The following CNTNAP5 variants were observed in gnomAD, a reference collection of about 807,000 sequenced individuals.
CNTNAP5 encodes the protein contactin-associated protein-like 5.
Under a neutral mutation model 150.2 loss-of-function variants are expected in CNTNAP5, and 72 were observed. The ratio of observed to expected loss-of-function variants is 0.48; its 90% CI spans 0.40 to 0.58. The LOEUF (loss-of-function observed/expected upper bound fraction) is 0.58. CNTNAP5 is among the 20% of genes least tolerant of loss of function. CNTNAP5 has a pLI of 0.00. For missense variants in CNTNAP5, 1,636 were observed against 1,626.2 expected (o/e 1.01, Z -0.10); for synonymous variants, 672 against 619.8 (o/e 1.08, Z -1.25).
At chr2:124,121,475 G>A (rs1196247369) in intron 1 of CNTNAP5, among the ~76,000 whole-genome samples, 3 of 152,286 alleles carry the variant, frequency 2.0e-5, no homozygotes, top group South Asian at 4.1e-4. Flanking sequence ...CCAAGGCAGT[G>A]GCGCTGCAGG....
chr2:124,865,959 GAAAA>G (rs1278819001), intron 20 of CNTNAP5, among the ~76,000 whole-genome samples: 1 of 146,648 alleles, frequency 6.8e-6, no homozygotes, highest in Non-Finnish European at 1.5e-5. Flanking sequence ...AAAATTAAAA[GAAAA>G]AAAGAAATAC....
chr2:124,194,450 G>A (rs1440827916), intron 1 of CNTNAP5, among the ~76,000 whole-genome samples: 1 of 145,262 alleles, frequency 6.9e-6, no homozygotes, highest in African/African-American at 2.6e-5. Context: ...GTAATGCAAT[G>A]AGGCCTGTTT....
chr2:124,808,385 C>A (rs1352456302), intron 19 of CNTNAP5, among the ~76,000 whole-genome samples: 23 of 151,940 alleles, frequency 1.5e-4, no homozygotes, highest in Admixed American at 1.5e-3. Context: ...GTCAGGAGTT[C>A]GAGACCAGCC....
At chr2:124,431,481 C>T (rs1290296490) in intron 4 of CNTNAP5, among the ~76,000 whole-genome samples, 1 of 142,298 alleles carries the variant, frequency 7.0e-6, no homozygotes, top group Non-Finnish European at 1.5e-5. Context: ...TTCTCCATAA[C>T]CATTGCTTGG....
chr2:124,025,898 T>C (rs1680874325), intron 1 of CNTNAP5, among the ~76,000 whole-genome samples, 166 bp downstream of exon 1: 3 of 152,148 alleles, frequency 2.0e-5, no homozygotes, highest in Admixed American at 6.5e-5. Flanking sequence ...CAAAAGTTAG[T>C]AGAGCTCAAA....
intron 3 of CNTNAP5, among the ~76,000 whole-genome samples, chr2:124,257,404 TG>T (rs1313189756): frequency 6.6e-6 from 1 of 152,346 alleles, no homozygotes; most frequent in Admixed American, 6.5e-5. Flanking sequence ...ATGCCACTGC[TG>T]GTTCAATACG....
chr2:124,494,070 G>A (rs995764040), intron 7 of CNTNAP5, among the ~76,000 whole-genome samples: 4 of 148,252 alleles, frequency 2.7e-5, no homozygotes, highest in African/African-American at 1.0e-4. Context: ...GACTGTGTGT[G>A]TGTGTGTGTG....
At chr2:124,134,366 A>C (rs1683928452) in intron 1 of CNTNAP5, among the ~76,000 whole-genome samples, 1 of 152,300 alleles carries the variant, frequency 6.6e-6, no homozygotes, top group East Asian at 1.9e-4. Context: ...AAAAGAAAAA[A>C]AAAAAATGGT....
rs149271927 is a variant in CNTNAP5 at position 124,318,616 on chromosome 2, G to C, written c.381+76223G>C. On this transcript the variant is annotated intron_variant, in intron 3 of 23. Coordinates refer to ENST00000682447, the MANE Select transcript of CNTNAP5 (RefSeq NM_001367498.1). The stretch of plus-strand genomic sequence containing the variant: ...AAGAGTTTGAAAAACAGCACTTAGA[G>C]TTTCCCTTTAGTTTCAGATCATGTC... 1.7e-3 allele frequency among the ~76,000 whole-genome samples: 259 copies of C among 152,286 alleles called. 7 individuals carry two copies. Among genetic ancestry groups the C allele is most frequent in the Admixed American group, 0.015 (231 of 15,294 alleles).
chr2:124,662,732 T>C (rs192682877), intron 13 of CNTNAP5, among the ~76,000 whole-genome samples: 47 of 152,300 alleles, frequency 3.1e-4, no homozygotes, highest in African/African-American at 1.1e-3. Flanking sequence ...TATGTGATGG[T>C]TCTGCCAAAT....
intron 13 of CNTNAP5, among the ~76,000 whole-genome samples, chr2:124,736,631 T>G (rs1318227904): frequency 1.3e-5 from 2 of 152,208 alleles, no homozygotes; most frequent in Non-Finnish European, 2.9e-5. Flanking sequence ...AGATGTCTCT[T>G]TTTGGAGATG....
intron 1 of CNTNAP5, among the ~76,000 whole-genome samples, chr2:124,070,502 G>A (rs1335585365): frequency 1.4e-5 from 2 of 147,764 alleles, no homozygotes; most frequent in Admixed American, 1.4e-4. Context: ...ATGAAAAATA[G>A]ATATTCTATG....
intron 1 of CNTNAP5, among the ~76,000 whole-genome samples, chr2:124,185,237 T>C (rs947157117): frequency 2.6e-5 from 4 of 152,194 alleles, no homozygotes; most frequent in Non-Finnish European, 4.4e-5. Context: ...CCACTTACTA[T>C]GTCAGCATTA....
chr2:124,307,759 G>T (rs1476369165), intron 3 of CNTNAP5, among the ~76,000 whole-genome samples: 1 of 152,162 alleles, frequency 6.6e-6, no homozygotes, highest in Admixed American at 6.6e-5. Context: ...AGATACAGGT[G>T]GGGAAGCAAG....
At chr2:124,359,531 C>A (rs1244302656) in intron 3 of CNTNAP5, among the ~76,000 whole-genome samples, 19 of 149,742 alleles carry the variant, frequency 1.3e-4, no homozygotes, top group Non-Finnish European at 2.5e-4. Flanking sequence ...TTTCAAAGAA[C>A]ATCTTTATTT....
chr2:124,520,910 T>A (rs1245875420), intron 8 of CNTNAP5, among the ~76,000 whole-genome samples: 1 of 152,234 alleles, frequency 6.6e-6, no homozygotes, highest in Non-Finnish European at 1.5e-5. Context: ...TAAGAGAGTA[T>A]TTTTAATAAC....
At chr2:124,792,987 A>G (rs1681768761) in intron 18 of CNTNAP5, among the ~76,000 whole-genome samples, 1 of 152,172 alleles carries the variant, frequency 6.6e-6, no homozygotes, top group African/African-American at 2.4e-5. Context: ...TATACATAAC[A>G]CTGCTATAAA....
At position 124,609,865 on chromosome 2, in the gene CNTNAP5, C is replaced by T. The variant is rs374813240; in HGVS notation, c.1821C>T (p.Ile607=). 29 of 1,613,936 alleles carry T rather than the reference C, an allele frequency of 1.8e-5. No individual in the cohort carries two copies. The African/African-American group carries it at 2.1e-4, about 12-fold the overall frequency. Residue 607 remains isoleucine, a synonymous_variant, in exon 12 of 24, where the codon ATC becomes ATT. Transcript: ENST00000682447. ...HQGNTAGFFY[I]DSDGSGPLGP... is the part of the protein sequence containing the mutation. ...GGAATACAGCCGGCTTCTTCTACAT[C>T]GACTCAGATGGCAGCGGCCCACTGG...
chr2:124,223,845 G>C (rs1351115084), intron 2 of CNTNAP5, among the ~76,000 whole-genome samples: 1 of 151,170 alleles, frequency 6.6e-6, no homozygotes, highest in African/African-American at 2.4e-5. Flanking sequence ...GTCTAAATCA[G>C]AAAGGCCAAG....
Sources: gnomAD v4.1 joint callset for allele counts (sites outside exome capture counted in the v4.1 genomes callset) on GRCh38, gnomAD v4.1.1 for gene constraint, MANE v1.5 for transcripts, NCBI Gene and HGNC (gene_info 2026-07-23, HGNC 2026-07-21) for gene names.